Variants in CAMTA1 observed in about 807,000 individuals in gnomAD.
The protein encoded by CAMTA1 is calmodulin binding transcription activator 1, also known as calmodulin-binding transcription activator 1.
CAMTA1 carries 27 observed loss-of-function variants against 170.9 expected under a neutral mutation model. The observed-to-expected ratio is 0.16, with a 90% confidence interval of 0.12 to 0.22. The LOEUF is 0.22. CAMTA1 is among the 10% of genes least tolerant of loss of function. The pLI, the probability that CAMTA1 is intolerant of heterozygous loss-of-function variation, is 1.00. For missense variants in CAMTA1, 1,619 were observed against 2,217.2 expected, an observed-to-expected ratio of 0.73 and a Z score of 5.42; for synonymous variants, 833 against 891.5, an observed-to-expected ratio of 0.93 and a Z score of 1.17.
intron 4 of CAMTA1, among the ~76,000 whole-genome samples, chr1:7,200,476 T>C (rs1245851458): frequency 6.6e-6 from 1 of 152,262 alleles, no homozygotes; most frequent in Non-Finnish European, 1.5e-5. Context: ...GTTTTGGTCC[T>C]GGATTCAATC....
At chr1:6,895,284 G>T (rs1271654115) in intron 3 of CAMTA1, among the ~76,000 whole-genome samples, 1 of 152,114 alleles carries the variant, frequency 6.6e-6, no homozygotes, top group Non-Finnish European at 1.5e-5. Flanking sequence ...AGAATCTCAG[G>T]CCTGTCCTTG....
intron 3 of CAMTA1, among the ~76,000 whole-genome samples, chr1:7,015,291 A>G (rs980179044): frequency 2.0e-5 from 3 of 152,010 alleles, no homozygotes; most frequent in Non-Finnish European, 2.9e-5. Flanking sequence ...CCCTGACTCT[A>G]TTCCTCACTG....
chr1:7,630,181 C>A (rs1197742010), intron 6 of CAMTA1, among the ~76,000 whole-genome samples: 1 of 152,232 alleles, frequency 6.6e-6, no homozygotes, highest in Non-Finnish European at 1.5e-5. Flanking sequence ...CCGGGCAGCG[C>A]CCCTCCAGGA....
At chr1:7,038,642 T>C (rs975087742) in intron 3 of CAMTA1, among the ~76,000 whole-genome samples, 11 of 152,230 alleles carry the variant, frequency 7.2e-5, no homozygotes, top group Non-Finnish European at 1.2e-4. Flanking sequence ...CTCCCAAATA[T>C]TTCAACAGGT....
chr1:7,566,394 C>T (rs907076694), intron 6 of CAMTA1, among the ~76,000 whole-genome samples: 5 of 152,212 alleles, frequency 3.3e-5, no homozygotes, highest in Non-Finnish European at 4.4e-5. Flanking sequence ...TTTTGTTACT[C>T]GTAATAAACA....
chr1:7,512,443 C>T (rs1016635786), intron 6 of CAMTA1, among the ~76,000 whole-genome samples: 7 of 152,214 alleles, frequency 4.6e-5, no homozygotes, highest in Admixed American at 3.9e-4. Flanking sequence ...TGCTCGGTAA[C>T]AAACAGTCTG....
Position 7,744,918 on chromosome 1 carries a change from C to A in CAMTA1, c.4266C>A (p.Ser1422=), listed in dbSNP as rs767418399. ...AGGAGAATTTTGTGCCCATGGAGTC[C>A]TCAGGATTGGAAAGAACAGACCCTG... ...IKQENFVPME[S]SGLERTDPAT... The change falls in exon 17 of 23, where the codon TCC becomes TCA. Residue 1422 remains serine, a synonymous_variant. Coordinates refer to ENST00000303635, the MANE Select transcript of CAMTA1 (RefSeq NM_015215.4). The A allele has an allele frequency of 1.2e-6, 2 of 1,613,946 alleles. No homozygotes were observed. Among genetic ancestry groups the A allele is most frequent in the African/African-American group, 2.7e-5 (2 of 74,892 alleles).
intron 5 of CAMTA1, among the ~76,000 whole-genome samples, chr1:7,288,069 A>G (rs1051658549): frequency 2.6e-5 from 4 of 152,170 alleles, no homozygotes; most frequent in Non-Finnish European, 5.9e-5. Context: ...AGAGAACCCC[A>G]TGGACCAGGT....
intron 5 of CAMTA1, among the ~76,000 whole-genome samples, chr1:7,408,720 C>T (rs2149246401): frequency 6.6e-6 from 1 of 152,338 alleles, no homozygotes; most frequent in Admixed American, 6.5e-5. Context: ...CGGCCTGGGT[C>T]CTCAGCCTCC....
chr1:7,374,988 G>A (rs371253426), intron 5 of CAMTA1, among the ~76,000 whole-genome samples: 6 of 152,154 alleles, frequency 3.9e-5, no homozygotes, highest in Admixed American at 2.0e-4. Context: ...GTGGGGCTGG[G>A]TCCTGTTAAA....
intron 3 of CAMTA1, among the ~76,000 whole-genome samples, chr1:6,826,468 A>C (rs1341334907): frequency 6.6e-6 from 1 of 152,240 alleles, no homozygotes; most frequent in East Asian, 1.9e-4. Context: ...AATTAGTCTT[A>C]ATCATAGTTT....
At chr1:7,243,135 T>C (rs1665180396) in intron 4 of CAMTA1, among the ~76,000 whole-genome samples, 1 of 152,224 alleles carries the variant, frequency 6.6e-6, no homozygotes, top group Non-Finnish European at 1.5e-5. Context: ...CTTTTTAAGA[T>C]ATAAAACTTT....
chr1:7,441,739 C>G (rs72642839), intron 5 of CAMTA1, among the ~76,000 whole-genome samples: 1,833 of 152,218 alleles, frequency 0.012, 20 homozygotes, highest in Non-Finnish European at 0.02. Flanking sequence ...CCAAAGGGGA[C>G]GGCTGGCAGG....
intron 5 of CAMTA1, among the ~76,000 whole-genome samples, chr1:7,453,933 C>T (rs1367451626): frequency 1.3e-5 from 2 of 152,194 alleles, no homozygotes; most frequent in African/African-American, 2.4e-5. Flanking sequence ...CTGCAGCAGG[C>T]GTGTTGGGTT....
chr1:7,410,079 G>A (rs151006454), intron 5 of CAMTA1, among the ~76,000 whole-genome samples: 4 of 152,358 alleles, frequency 2.6e-5, no homozygotes, highest in Non-Finnish European at 5.9e-5. Context: ...GTGGCTGGAG[G>A]CTTTTCTCCA....
chr1:7,587,028 G>A (rs1238278909), intron 6 of CAMTA1, among the ~76,000 whole-genome samples: 1 of 151,184 alleles, frequency 6.6e-6, no homozygotes, highest in Non-Finnish European at 1.5e-5. Context: ...ATGACCACCT[G>A]CACCCACCAC....
intron 3 of CAMTA1, among the ~76,000 whole-genome samples, chr1:6,911,249 AGGT>A (rs1679619483): frequency 6.6e-6 from 1 of 152,106 alleles, no homozygotes; most frequent in Admixed American, 6.5e-5. Flanking sequence ...TGGCTCTGTG[AGGT>A]GGTCCTTGGA....
At chr1:6,866,928 A>G (rs1666756660) in intron 3 of CAMTA1, among the ~76,000 whole-genome samples, 1 of 152,218 alleles carries the variant, frequency 6.6e-6, no homozygotes, top group Non-Finnish European at 1.5e-5. Flanking sequence ...CAGCTCAGGG[A>G]TGGCGGCTCC....
At chr1:7,572,540 T>G (rs2150342752) in intron 6 of CAMTA1, among the ~76,000 whole-genome samples, 1 of 152,282 alleles carries the variant, frequency 6.6e-6, no homozygotes, top group South Asian at 2.1e-4. Context: ...AGGAGTCCAG[T>G]TTCAGTCTTC....
Sources: allele counts gnomAD v4.1 joint callset (sites outside exome capture counted in the v4.1 genomes callset), GRCh38; gene constraint gnomAD v4.1.1; transcripts MANE v1.5; gene names NCBI Gene and HGNC (gene_info 2026-07-23, HGNC 2026-07-21).